The following DNAAF1 variants were observed in gnomAD, a reference collection of about 807,000 sequenced individuals.
DNAAF1 encodes the protein dynein axonemal assembly factor 1.
In DNAAF1, 65 loss-of-function variants were observed where a neutral mutation model predicts 71.1. That is an observed-to-expected ratio of 0.91 (90% CI 0.75 to 1.12). The LOEUF (loss-of-function observed/expected upper bound fraction) is 1.12, where lower values mean the gene tolerates loss of function less well. Among genes scored for constraint, DNAAF1 ranks in the 50% most tolerant of loss-of-function variants. The probability of loss-of-function intolerance (pLI) is 0.00; values close to 1 mark genes in which losing one functional copy is unlikely to be tolerated. For synonymous variants in DNAAF1, 414 were observed against 354.6 expected (o/e 1.17, Z -1.88); for missense variants, 1,178 against 899.8 (o/e 1.31, Z -3.96).
Position 84,173,199 on chromosome 16 carries a change from T to C in DNAAF1, c.1644+824T>C, listed in dbSNP as rs545416752. 55 of 985,170 alleles carry C rather than the reference T, an allele frequency of 5.6e-5. No individual in the cohort carries two copies. The South Asian group carries it at 9.9e-4, about 18-fold the overall frequency. The allele number at this position is 985,170 out of a possible 1,614,324, so 61.0% of individuals were successfully genotyped here. On this transcript the variant is annotated intron_variant, in intron 9 of 11. Transcript: ENST00000378553. ...AAGTGATCGGCCAGGCATGGTGGCT[T>C]ACGCCTGTAATCCCAGCACTTTGGG...
At position 84,165,872 on chromosome 16, in the gene DNAAF1, C is replaced by T. The variant is rs1336349013; in HGVS notation, c.953C>T (p.Thr318Ile). ...GAGAGCAGGGAGCGGAAGAAGATCACAGACAGCATTGAAGCCTTGGCCATG... is the reference window on the plus strand; with the variant it reads ...GAGAGCAGGGAGCGGAAGAAGATCATAGACAGCATTGAAGCCTTGGCCATG... Reference protein sequence around the residue: ...QWESRERKKITDSIEALAMIK... With the variant: ...QWESRERKKIIDSIEALAMIK... The change falls in exon 7 of 12, where the codon ACA becomes ATA. Residue 318 changes from threonine to isoleucine, a missense_variant. Physicochemically the swap from Thr to Ile is moderately conservative, Grantham distance 89 (BLOSUM62 -1). Coordinates refer to ENST00000378553, the MANE Select transcript of DNAAF1 (RefSeq NM_178452.6). 1.9e-6 allele frequency: 3 copies of T among 1,613,256 alleles called. No individual in the cohort carries two copies. The highest frequency in any genetic ancestry group is 2.7e-5 in the African/African-American group (2 of 74,658).
chr16:84,150,452 G>A (rs1244375043), intron 3 of DNAAF1, 110 bp downstream of exon 3: 1 of 854,238 alleles, frequency 1.2e-6, no homozygotes, highest in East Asian at 2.6e-5. Context: ...TATCTAAGCA[G>A]GAAATTTCAA....
Position 84,145,618 on chromosome 16 carries a change from G to C in DNAAF1, c.124+54G>C, listed in dbSNP as rs894588165. On this transcript the variant is annotated intron_variant, in intron 1 of 11. Coordinates refer to ENST00000378553, the MANE Select transcript of DNAAF1 (RefSeq NM_178452.6). The stretch of plus-strand genomic sequence containing the variant: ...GGGCGAGGGGCAGACACGGCTAGGC[G>C]CTCCAGCCCCCTTCCCACACCACAT... The C allele has an allele frequency of 3.3e-6, 5 of 1,532,092 alleles. No individual in the cohort carries two copies. The African/African-American group carries it at 4.1e-5, about 13-fold the overall frequency. The allele number at this position is 1,532,092 out of a possible 1,614,324, so 94.9% of individuals were successfully genotyped here.
chr16:84,169,793 G>T, intron 7 of DNAAF1, 66 bp from the exon 8 acceptor site: 1 of 1,607,446 alleles, frequency 6.2e-7, no homozygotes, highest in Non-Finnish European at 8.5e-7. Flanking sequence ...AGCCCTTGAT[G>T]TACCCACAAA....
intron 7 of DNAAF1, among the ~76,000 whole-genome samples, chr16:84,169,255 AT>A (rs35230163): frequency 6.8e-6 from 1 of 146,112 alleles, no homozygotes; most frequent in Non-Finnish European, 1.5e-5. Context: ...ATTTTTTTGT[AT>A]TTTTTTTTCA....
At chr16:84,156,683 C>G (rs1166774859) in intron 5 of DNAAF1, among the ~76,000 whole-genome samples, 2 of 152,194 alleles carry the variant, frequency 1.3e-5, no homozygotes, top group Non-Finnish European at 1.5e-5. Context: ...TTCTCACTCT[C>G]TCAGCATCTG....
chr16:84,149,089 G>T lies in DNAAF1; in HGVS notation c.207G>T (p.Gly69=). The part of the protein sequence containing the change: ...HSQQKQSGDN[G]SGGHFAHPRE... ...AGCAGAAACAGAGTGGTGATAATGG[G>T]TCAGGTGGTCACTTCGCACACCCAA... The change falls in exon 2 of 12, where the codon GGG becomes GGT. Residue 69 remains glycine (G), a synonymous_variant. Coordinates refer to ENST00000378553, the MANE Select transcript of DNAAF1 (RefSeq NM_178452.6). 1 of 1,614,120 alleles carries T rather than the reference G, an allele frequency of 6.2e-7. No homozygotes were observed. The highest frequency in any genetic ancestry group is 8.5e-7 in the Non-Finnish European group (1 of 1,180,044).
chr16:84,170,268 G>A lies in DNAAF1; in HGVS notation c.1440G>A (p.Lys480=), dbSNP rs762634037. The A allele has an allele frequency of 1.9e-6, 3 of 1,609,964 alleles. No homozygotes were observed. The East Asian group carries it at 6.7e-5, about 36-fold the overall frequency. Residue 480 remains lysine, a synonymous_variant, in exon 8 of 12, where the codon AAG becomes AAA. Coordinates refer to ENST00000378553, the MANE Select transcript of DNAAF1 (RefSeq NM_178452.6). ...CCCTGCTACTGTCACCGCCTGTGAA[G>A]GTTAAAGGAGAGGATGGAGATCGAG... ...AETLLLSPPV[K]VKGEDGDREP...
At position 84,154,430 on chromosome 16, in the gene DNAAF1, C is replaced by A. The variant is rs574153779; in HGVS notation, c.353-147C>A. 16 of 751,572 alleles carry A rather than the reference C, an allele frequency of 2.1e-5. 1 individual carries two copies. The South Asian group carries it at 2.2e-4, about 11-fold the overall frequency. The allele number at this position is 751,572 out of a possible 1,614,324, so 46.6% of individuals were successfully genotyped here. On this transcript the variant is annotated intron_variant, in intron 3 of 11. Coordinates refer to ENST00000378553, the MANE Select transcript of DNAAF1 (RefSeq NM_178452.6). The stretch of plus-strand genomic sequence containing the variant: ...CTCCCAAAAGTCCCACCTCCTAATA[C>A]CATCACATTAGGGGTTAGGATTTCA...
Position 84,155,634 on chromosome 16 carries a change from C to G in DNAAF1, c.626C>G (p.Thr209Ser), listed in dbSNP as rs758172044. ...CAGATGGCCCACAATCACCTGGAGACCGTGGAGGACATTCAGCATCTACAA... is the reference window on the plus strand; with the variant it reads ...CAGATGGCCCACAATCACCTGGAGAGCGTGGAGGACATTCAGCATCTACAA... The part of the protein sequence containing the change: ...TLQMAHNHLE[T>S]VEDIQHLQEC... The change falls in exon 5 of 12, where the codon ACC becomes AGC. Residue 209 changes from threonine (T) to serine (S), a missense_variant. Coordinates refer to ENST00000378553, the MANE Select transcript of DNAAF1 (RefSeq NM_178452.6). The G allele has an allele frequency of 4.3e-6, 7 of 1,614,054 alleles. No individual in the cohort carries two copies. Among genetic ancestry groups the G allele is most frequent in the Non-Finnish European group, 5.9e-6 (7 of 1,180,036 alleles).
chr16:84,153,079 T>G lies in DNAAF1; in HGVS notation c.353-1498T>G, dbSNP rs142397107. On this transcript the variant is annotated intron_variant, in intron 3 of 11. Coordinates refer to ENST00000378553, the MANE Select transcript of DNAAF1 (RefSeq NM_178452.6). Reference sequence around the variant, plus strand: ...ACAACAAAGAAATGTGACCAGTTACTGGCTGTTTGATGATGACGTTGAGGA... The same window carrying G: ...ACAACAAAGAAATGTGACCAGTTACGGGCTGTTTGATGATGACGTTGAGGA... Among the ~76,000 whole-genome samples, 632 of 152,308 alleles carry G rather than the reference T, an allele frequency of 4.1e-3. 6 individuals are homozygous for G. The highest frequency in any genetic ancestry group is 0.013 in the Admixed American group (197 of 15,286).
intron 8 of DNAAF1, among the ~76,000 whole-genome samples, chr16:84,170,714 C>G (rs2088285610): frequency 6.6e-6 from 1 of 152,140 alleles, no homozygotes. Flanking sequence ...CCCCTGTAGT[C>G]CCAGCTACTC....
intron 3 of DNAAF1, among the ~76,000 whole-genome samples, chr16:84,150,671 A>G (rs1019097745): frequency 7.2e-6 from 1 of 139,328 alleles, no homozygotes; most frequent in African/African-American, 2.7e-5. Flanking sequence ...GCTGAAGTGC[A>G]GTGGTGCAAT....
chr16:84,166,147 G>A (rs1177239049), intron 7 of DNAAF1, 198 bp downstream of exon 7: 7 of 708,162 alleles, frequency 9.9e-6, no homozygotes, highest in Non-Finnish European at 1.6e-5. Context: ...TCTGTCTCCC[G>A]GGTTCAAGCA....
intron 5 of DNAAF1, among the ~76,000 whole-genome samples, chr16:84,157,847 C>G (rs1444664072): frequency 6.6e-6 from 1 of 152,096 alleles, no homozygotes; most frequent in Non-Finnish European, 1.5e-5. Context: ...ATTATAATCC[C>G]CCCGTTTGTT....
chr16:84,172,375 T>A lies in DNAAF1; in HGVS notation c.1644T>A (p.Asp548Glu). Residue 548 changes from aspartate to glutamate, a missense_variant and splice_region_variant, in exon 9 of 12, where the codon GAT (aspartate) becomes GAA (glutamate). Asp to Glu is a conservative substitution (Grantham distance 45). Transcript: ENST00000378553. The stretch of plus-strand genomic sequence containing the variant: ...AGACAAAGGAGACATTCTGCATTGA[T>A]GTACATGAAGTATTTAATCTTGGAG... ...RLETKETFCI[D>E]DLPDLEDDDE... 1 of 1,613,844 alleles carries A rather than the reference T, an allele frequency of 6.2e-7. No homozygotes were observed. The highest frequency in any genetic ancestry group is 8.5e-7 in the Non-Finnish European group (1 of 1,179,768).
chr16:84,172,627 C>A, intron 9 of DNAAF1: 1 of 1,334,202 alleles, frequency 7.5e-7, no homozygotes, highest in Non-Finnish European at 9.6e-7. Flanking sequence ...GGAGCCCTGA[C>A]CCAAATCGCT....
chr16:84,174,874 C>T (rs2088570157), intron 10 of DNAAF1, 152 bp downstream of exon 10: 5 of 1,064,444 alleles, frequency 4.7e-6, no homozygotes, highest in Non-Finnish European at 6.9e-6. Flanking sequence ...CTTTTCTTTT[C>T]AGGCAGAGTC....
At chr16:84,156,339 C>T (rs1005833951) in intron 5 of DNAAF1, among the ~76,000 whole-genome samples, 3 of 152,224 alleles carry the variant, frequency 2.0e-5, no homozygotes, top group Non-Finnish European at 4.4e-5. Context: ...CTGATTGCAT[C>T]CTTGTGGTGC....
Sources: allele counts gnomAD v4.1 joint callset (sites outside exome capture counted in the v4.1 genomes callset), GRCh38; gene constraint gnomAD v4.1.1; transcripts MANE v1.5; gene names NCBI Gene and HGNC (gene_info 2026-07-23, HGNC 2026-07-21).